NAT1: variants seen among roughly 807,000 people sequenced by gnomAD.
NAT1 encodes the protein N-acetyltransferase 1.
For synonymous variants in NAT1, 144 were observed against 122.6 expected, an observed-to-expected ratio of 1.17 and a Z score of -1.16; for missense variants, 400 against 339.2, an observed-to-expected ratio of 1.18 and a Z score of -1.41.
chr8:18,193,473 T>C (rs1803100153), intron 2 of NAT1, among the ~76,000 whole-genome samples: 1 of 142,118 alleles, frequency 7.0e-6, no homozygotes, highest in South Asian at 2.2e-4. Context: ...AAAATTTATA[T>C]ATATATGTAT....
intron 2 of NAT1, among the ~76,000 whole-genome samples, chr8:18,201,965 A>G (rs1014824594): frequency 6.6e-6 from 1 of 152,214 alleles, no homozygotes; most frequent in South Asian, 2.1e-4. Context: ...TATCAAGCTC[A>G]ATCAGTTTCC....
intron 2 of NAT1, among the ~76,000 whole-genome samples, chr8:18,189,841 G>A (rs1802907577): frequency 6.6e-6 from 1 of 152,192 alleles, no homozygotes; most frequent in Non-Finnish European, 1.5e-5. Context: ...CCAGGCTGGA[G>A]TGCAATGGCA....
intron 2 of NAT1, among the ~76,000 whole-genome samples, chr8:18,177,470 T>C (rs2117208805): frequency 6.6e-6 from 1 of 152,238 alleles, no homozygotes; most frequent in African/African-American, 2.4e-5. Flanking sequence ...GAAAATTGCT[T>C]TATTTTTATA....
At position 18,186,749 on chromosome 8, in the gene NAT1, C is replaced by A. The variant is rs75189306; in HGVS notation, n.92+16010C>A. On this transcript the variant is annotated intron_variant and non_coding_transcript_variant, in intron 2 of 4. Coordinates refer to the NAT1 transcript ENST00000517441. ...TGATTGCTTTACAGATCGCAACATG[C>A]CCCTTCCCTTAACAAAGCTGAAAAT... Among the ~76,000 whole-genome samples the A allele has an allele frequency of 1.2e-3, 187 of 152,222 alleles. 5 individuals are homozygous for A. In the East Asian group the frequency reaches 0.029, roughly 24 times the overall value.
At chr8:18,208,804 C>T (rs571907516), upstream of NAT1, among the ~76,000 whole-genome samples, 3 of 152,174 alleles carry the variant, frequency 2.0e-5, no homozygotes, top group Non-Finnish European at 4.4e-5. Flanking sequence ...CATTTAGACC[C>T]CCGCCCCGGG....
chr8:18,193,724 C>G, intron 2 of NAT1, among the ~76,000 whole-genome samples: 1 of 145,900 alleles, frequency 6.9e-6, no homozygotes, highest in Non-Finnish European at 1.5e-5. Context: ...TCACTACAAC[C>G]TCCGCCTCCT....
In NAT1 at chr8:18,222,253, T is replaced by G. The variant is rs1733726350; in HGVS notation, c.206T>G (p.Leu69Arg). Residue 69 changes from leucine (L) to arginine (R), a missense_variant, in exon 3 of 3, where the codon CTC (leucine) becomes CGC (arginine). Leu to Arg is a moderately radical substitution (Grantham distance 102). Coordinates refer to ENST00000307719, the MANE Select transcript of NAT1 (RefSeq NM_000662.8). ...VVRRNRGGWC[L>R]QVNHLLYWAL... The stretch of plus-strand genomic sequence containing the variant: ...AGAAGAAATCGGGGTGGATGGTGTC[T>G]CCAGGTCAATCATCTTCTGTACTGG... 6.8e-6 allele frequency: 11 copies of G among 1,613,982 alleles called. No homozygotes were observed. Among genetic ancestry groups the G allele is most frequent in the Non-Finnish European group, 8.5e-6 (10 of 1,180,006 alleles).
rs781488745 is a variant in NAT1 at position 18,222,292 on chromosome 8, T to A, written c.245T>A (p.Ile82Asn). The change falls in exon 3 of 3, where the codon ATT becomes AAT. Residue 82 changes from isoleucine to asparagine, a missense_variant. Physicochemically the swap from Ile to Asn is moderately radical, Grantham distance 149. Transcript: ENST00000307719. ...CTTCTGTACTGGGCTCTGACCACTA[T>A]TGGTTTTGAGACCACGATGTTGGGA... The part of the protein sequence containing the change: ...NHLLYWALTT[I>N]GFETTMLGGY... 3.7e-6 allele frequency: 6 copies of A among 1,614,120 alleles called. No individual in the cohort carries two copies. The highest frequency in any genetic ancestry group is 5.1e-6 in the Non-Finnish European group (6 of 1,179,998).
At chr8:18,211,024 C>T (rs758758081) in intron 1 of NAT1, among the ~76,000 whole-genome samples, 5 of 152,164 alleles carry the variant, frequency 3.3e-5, no homozygotes, top group Non-Finnish European at 5.9e-5. Context: ...AGGCTCATCT[C>T]GAACTCCTGA....
In NAT1 at chr8:18,222,388, T is replaced by A. The variant is rs145975713; in HGVS notation, c.341T>A (p.Ile114Asn). 1.9e-6 allele frequency: 3 copies of A among 1,614,068 alleles called. No homozygotes were observed. Among genetic ancestry groups the A allele is most frequent in the Admixed American group, 3.3e-5 (2 of 60,002 alleles). ...GMIHLLLQVT[I>N]DGRNYIVDAG... ...ATTCACCTTCTCCTGCAGGTGACCA[T>A]TGATGGCAGGAACTACATTGTCGAT... The change falls in exon 3 of 3, where the codon ATT becomes AAT. Residue 114 changes from isoleucine (I) to asparagine (N), a missense_variant. By Grantham distance (149) the Ile-to-Asn change is moderately radical. Transcript: ENST00000307719.
chr8:18,209,697 G>A (rs1803896355), upstream of NAT1: 1 of 152,172 alleles, frequency 6.6e-6, no homozygotes, highest in South Asian at 2.1e-4. Flanking sequence ...TTTAAAAGAA[G>A]TCTAATGGGA....
At chr8:18,196,625 G>C (rs1009896531) in intron 2 of NAT1, among the ~76,000 whole-genome samples, 5 of 152,160 alleles carry the variant, frequency 3.3e-5, no homozygotes, top group African/African-American at 4.8e-5. Flanking sequence ...ATCTGAGAAA[G>C]TCATAAATTC....
rs766221373 is a variant in NAT1 at position 18,223,088 on chromosome 8, G to C, written c.*168G>C. On this transcript the variant is annotated 3_prime_UTR_variant, in exon 3 of 3. Transcript: ENST00000307719. ...ATATATAATTAAACAGCTTTTTAAAGAAACATAACCACAAACCTTTTCAAA... is the reference window on the plus strand; with the variant it reads ...ATATATAATTAAACAGCTTTTTAAACAAACATAACCACAAACCTTTTCAAA... 3 of 325,796 alleles carry C rather than the reference G, an allele frequency of 9.2e-6. No individual in the cohort carries two copies. Among genetic ancestry groups the C allele is most frequent in the Non-Finnish European group, 1.7e-5 (3 of 178,066 alleles). 20.2% of individuals were successfully genotyped at this position (325,796 alleles called of 1,614,324 possible).
chr8:18,220,103 G>A (rs1805130293), intron 2 of NAT1, among the ~76,000 whole-genome samples: 1 of 152,120 alleles, frequency 6.6e-6, no homozygotes, highest in South Asian at 2.1e-4. Flanking sequence ...TAGGTGAGGG[G>A]GCAGAGAGGG....
chr8:18,171,064 G>A (rs574216723), intron 2 of NAT1, among the ~76,000 whole-genome samples: 3 of 152,016 alleles, frequency 2.0e-5, no homozygotes, highest in Non-Finnish European at 4.4e-5. Context: ...TGATCTTTTC[G>A]GCATTTGAAT....
chr8:18,205,968 G>C (rs116481986), upstream of NAT1, among the ~76,000 whole-genome samples: 27 of 152,258 alleles, frequency 1.8e-4, no homozygotes, highest in Middle Eastern at 6.8e-3. Context: ...AGGGCTAAAG[G>C]CTCCTATGGG....
chr8:18,213,082 T>A (rs201666462), intron 1 of NAT1, among the ~76,000 whole-genome samples: 5 of 148,840 alleles, frequency 3.4e-5, no homozygotes, highest in South Asian at 2.2e-4. Context: ...TTTTTTTTTT[T>A]AATTTTTTAT....
rs1374662317 is a variant in NAT1 at position 18,191,953 on chromosome 8, A to C, written n.93-17828A>C. Among the ~76,000 whole-genome samples the C allele has an allele frequency of 1.8e-4, 27 of 152,208 alleles. No individual in the cohort carries two copies. The East Asian group carries it at 4.1e-3, about 23-fold the overall frequency. On this transcript the variant is annotated intron_variant and non_coding_transcript_variant, in intron 2 of 4. Coordinates refer to the NAT1 transcript ENST00000517441. The stretch of plus-strand genomic sequence containing the variant: ...GGCAAGGACTTCATGTCTAAAACAC[A>C]AAAAGCAATGGCAACAAAAGCCAAA...
chr8:18,204,292 G>A (rs559640647), intron 2 of NAT1, among the ~76,000 whole-genome samples: 6 of 152,160 alleles, frequency 3.9e-5, no homozygotes, highest in Non-Finnish European at 5.9e-5. Flanking sequence ...CACAACGAAC[G>A]CCAGGGTATA....
Sources: allele counts gnomAD v4.1 joint callset (sites outside exome capture counted in the v4.1 genomes callset), GRCh38; gene constraint gnomAD v4.1.1; transcripts MANE v1.5; gene names NCBI Gene and HGNC (gene_info 2026-07-23, HGNC 2026-07-21).